The following EPHA5 variants were observed in gnomAD, a reference collection of about 807,000 sequenced individuals.
The protein encoded by EPHA5 is ephrin type-A receptor 5.
Under a neutral mutation model 105.0 loss-of-function variants are expected in EPHA5, and 60 were observed. That is an observed-to-expected ratio of 0.57 (90% CI 0.46 to 0.71). The LOEUF (loss-of-function observed/expected upper bound fraction) is 0.71. Ranked by LOEUF, EPHA5 falls within the 30% of genes least tolerant of loss-of-function variation. The pLI, the probability that EPHA5 is intolerant of heterozygous loss-of-function variation, is 0.00. For missense variants in EPHA5, 1,218 were observed against 1,274.7 expected (o/e 0.96, Z 0.68); for synonymous variants, 513 against 449.1 (o/e 1.14, Z -1.80).
chr4:65,341,363 G>T (rs1721700489), intron 14 of EPHA5, among the ~76,000 whole-genome samples: 1 of 151,840 alleles, frequency 6.6e-6, no homozygotes, highest in East Asian at 1.9e-4. Context: ...AAAACCTGTG[G>T]TCTTTCCATC....
chr4:65,500,988 A>G (rs943770353), intron 3 of EPHA5, among the ~76,000 whole-genome samples: 3 of 151,468 alleles, frequency 2.0e-5, no homozygotes, highest in African/African-American at 7.2e-5. Flanking sequence ...AACAAGATTT[A>G]TTCCCATAGC....
intron 1 of EPHA5, among the ~76,000 whole-genome samples, chr4:65,658,201 G>A (rs919072873): frequency 6.6e-6 from 1 of 152,060 alleles, no homozygotes; most frequent in African/African-American, 2.4e-5. Context: ...GTGAAGAAAA[G>A]AGGTGAGTGT....
intron 2 of EPHA5, among the ~76,000 whole-genome samples, chr4:65,630,809 T>C (rs1377389155): frequency 6.6e-6 from 1 of 152,172 alleles, no homozygotes; most frequent in Non-Finnish European, 1.5e-5. Context: ...GAAGTCATTT[T>C]ACATTAAATG....
chr4:65,574,884 C>T (rs912723993), intron 3 of EPHA5, among the ~76,000 whole-genome samples: 11 of 151,086 alleles, frequency 7.3e-5, no homozygotes, highest in Non-Finnish European at 1.6e-4. Flanking sequence ...GGCTCTCTGG[C>T]ATCTCACTGT....
intron 5 of EPHA5, among the ~76,000 whole-genome samples, chr4:65,455,106 G>T (rs930856109): frequency 6.6e-6 from 1 of 151,976 alleles, no homozygotes; most frequent in Admixed American, 6.6e-5. Context: ...AGTGGCGGGC[G>T]CCTGGAGTCC....
chr4:65,620,802 A>G (rs1745643390), intron 2 of EPHA5, among the ~76,000 whole-genome samples: 1 of 152,222 alleles, frequency 6.6e-6, no homozygotes, highest in African/African-American at 2.4e-5. Context: ...AAAGAAATGT[A>G]TTCAGAAAAC....
chr4:65,574,140 C>T, intron 3 of EPHA5: 2 of 1,608,284 alleles, frequency 1.2e-6, no homozygotes, highest in Non-Finnish European at 8.5e-7. Flanking sequence ...GAAGCCCAGA[C>T]ACCAGGAAGG....
intron 16 of EPHA5, among the ~76,000 whole-genome samples, chr4:65,329,866 A>C (rs1720428149): frequency 1.3e-5 from 2 of 151,094 alleles, no homozygotes; most frequent in Non-Finnish European, 3.0e-5. Flanking sequence ...ACTTTTAAAA[A>C]AATTTTTTTG....
chr4:65,337,644 G>A (rs1328591759), intron 14 of EPHA5, among the ~76,000 whole-genome samples: 1 of 152,036 alleles, frequency 6.6e-6, no homozygotes, highest in African/African-American at 2.4e-5. Context: ...GGTAGAAAAT[G>A]TTGTCAGATA....
intron 2 of EPHA5, among the ~76,000 whole-genome samples, chr4:65,634,401 T>TA (rs1325977436): frequency 6.6e-5 from 10 of 151,942 alleles, no homozygotes; most frequent in Admixed American, 2.0e-4. Context: ...AAAGACTAAA[T>TA]ACAATACTTG....
intron 1 of EPHA5, among the ~76,000 whole-genome samples, chr4:65,656,954 T>TGTG (rs34975468): frequency 5.0e-4 from 34 of 67,442 alleles, no homozygotes; most frequent in Admixed American, 3.0e-3. Context: ...CGTGTGTGTG[T>TGTG]TTTTTTTTTT....
intron 3 of EPHA5, among the ~76,000 whole-genome samples, chr4:65,576,115 A>AAAGAAAAAAG (rs1553943548): frequency 9.7e-4 from 44 of 45,562 alleles, no homozygotes; most frequent in Admixed American, 1.8e-3. Flanking sequence ...AAAGAAAAGA[A>AAAGAAAAAAG]AAAAGAAAAG....
intron 3 of EPHA5, among the ~76,000 whole-genome samples, chr4:65,552,653 T>C (rs575730592): frequency 1.1e-4 from 16 of 152,262 alleles, no homozygotes; most frequent in Non-Finnish European, 2.2e-4. Flanking sequence ...ACATAAATAC[T>C]TGTGAATGTA....
intron 8 of EPHA5, among the ~76,000 whole-genome samples, chr4:65,368,590 A>G (rs1488140564): frequency 6.6e-6 from 1 of 152,134 alleles, no homozygotes; most frequent in African/African-American, 2.4e-5. Flanking sequence ...CCACATTACT[A>G]TAAGTGCCTT....
chr4:65,586,942 T>A (rs1742180450), intron 3 of EPHA5, among the ~76,000 whole-genome samples: 2 of 152,184 alleles, frequency 1.3e-5, no homozygotes, highest in Non-Finnish European at 2.9e-5. Flanking sequence ...ATTATCAGCA[T>A]GATGAATTCA....
chr4:65,411,891 A>G (rs1356376410), intron 7 of EPHA5, among the ~76,000 whole-genome samples: 2 of 152,182 alleles, frequency 1.3e-5, no homozygotes, highest in Non-Finnish European at 2.9e-5. Flanking sequence ...CTAAAAAGAA[A>G]CCCTTTGATG....
At chr4:65,389,023 T>A (rs921994275) in intron 8 of EPHA5, among the ~76,000 whole-genome samples, 1 of 152,082 alleles carries the variant, frequency 6.6e-6, no homozygotes, top group African/African-American at 2.4e-5. Flanking sequence ...ATTTGATGAT[T>A]CCTTGTTGGA....
intron 3 of EPHA5, among the ~76,000 whole-genome samples, chr4:65,538,826 T>C (rs1736544496): frequency 6.6e-6 from 1 of 151,720 alleles, no homozygotes; most frequent in South Asian, 2.1e-4. Flanking sequence ...CTAAAGCCAC[T>C]GCTCTGGACT....
intron 3 of EPHA5, among the ~76,000 whole-genome samples, chr4:65,534,654 T>A (rs1287451352): frequency 6.6e-6 from 1 of 152,148 alleles, no homozygotes; most frequent in South Asian, 2.1e-4. Context: ...TTATGGACAA[T>A]TTTCTGCAAA....
Sources: allele counts gnomAD v4.1 joint callset (sites outside exome capture counted in the v4.1 genomes callset), GRCh38; gene constraint gnomAD v4.1.1; transcripts MANE v1.5; gene names NCBI Gene and HGNC (gene_info 2026-07-23, HGNC 2026-07-21).